Variants in ZNF678 observed in about 807,000 individuals in gnomAD.
The protein encoded by ZNF678 is hypothetical protein MGC42493.
A neutral mutation model predicts 3.0 loss-of-function variants in ZNF678; 5 were observed. The observed-to-expected ratio is 1.69, with a 90% CI of 0.88 to 3.56. ZNF678 has a LOEUF of 3.56. ZNF678 is among the 30% of genes most tolerant of loss of function. ZNF678 has a pLI of 0.00. For synonymous variants in ZNF678, 218 were observed against 199.6 expected, an observed-to-expected ratio of 1.09 and a Z score of -0.78; for missense variants, 593 against 605.0, an observed-to-expected ratio of 0.98 and a Z score of 0.21.
chr1:227,630,087 C>T (rs1424044209), intron 1 of ZNF678, among the ~76,000 whole-genome samples: 2 of 152,050 alleles, frequency 1.3e-5, no homozygotes, highest in African/African-American at 4.8e-5. Context: ...TTTCTAATGT[C>T]TGCAGCTGAC....
intron 1 of ZNF678, among the ~76,000 whole-genome samples, chr1:227,626,733 G>A (rs551518053): frequency 1.1e-4 from 16 of 152,106 alleles, no homozygotes; most frequent in East Asian, 3.9e-4. Flanking sequence ...TCATTTGAGC[G>A]TTTCATTCAT....
At chr1:227,596,339 A>T (rs1400768328) in intron 1 of ZNF678, among the ~76,000 whole-genome samples, 1 of 152,248 alleles carries the variant, frequency 6.6e-6, no homozygotes, top group Non-Finnish European at 1.5e-5. Context: ...TTATTCAACC[A>T]GGAGCATTGG....
At chr1:227,584,906 T>C (rs1445565179) in intron 1 of ZNF678, among the ~76,000 whole-genome samples, 2 of 152,240 alleles carry the variant, frequency 1.3e-5, no homozygotes, top group African/African-American at 2.4e-5. Flanking sequence ...GTGTTCTTGC[T>C]AAACTGACTT....
intron 1 of ZNF678, among the ~76,000 whole-genome samples, chr1:227,571,582 T>A (rs1392829326): frequency 6.6e-6 from 1 of 152,256 alleles, no homozygotes; most frequent in Non-Finnish European, 1.5e-5. Flanking sequence ...TCAACAGAGT[T>A]AATGAAAACT....
chr1:227,577,486 G>A (rs1030158276), intron 1 of ZNF678, among the ~76,000 whole-genome samples: 2 of 152,190 alleles, frequency 1.3e-5, no homozygotes, highest in Non-Finnish European at 2.9e-5. Flanking sequence ...TTACTATTAT[G>A]TAATGCCCTT....
intron 1 of ZNF678, among the ~76,000 whole-genome samples, chr1:227,575,913 G>A (rs192945942): frequency 6.6e-6 from 1 of 152,144 alleles, no homozygotes; most frequent in Admixed American, 6.5e-5. Context: ...TTTGAGGTAT[G>A]TTCCTTCAAT....
At chr1:227,572,497 A>G (rs1656873478) in intron 1 of ZNF678, among the ~76,000 whole-genome samples, 1 of 152,212 alleles carries the variant, frequency 6.6e-6, no homozygotes, top group Non-Finnish European at 1.5e-5. Context: ...AATTGTAGCA[A>G]AGGAGGTCGG....
intron 1 of ZNF678, among the ~76,000 whole-genome samples, chr1:227,643,629 T>C (rs1206349457): frequency 1.3e-5 from 2 of 152,186 alleles, no homozygotes; most frequent in Non-Finnish European, 2.9e-5. Context: ...CCGAAGACTA[T>C]ATTTTGGTGC....
intron 5 of ZNF678, among the ~76,000 whole-genome samples, chr1:227,669,521 C>T (rs768033971): frequency 1.3e-5 from 2 of 151,800 alleles, no homozygotes; most frequent in South Asian, 2.1e-4. Flanking sequence ...CGGTGGCGTG[C>T]GCCTGTAGTC....
In ZNF678 at chr1:227,659,602, C is replaced by T. The variant is rs1253542054; in HGVS notation, c.*3774C>T. The T allele has an allele frequency of 6.6e-6, 1 of 151,874 alleles. No individual in the cohort carries two copies. The highest frequency in any genetic ancestry group is 1.9e-4 in the East Asian group (1 of 5,188). 9.4% of individuals were successfully genotyped at this position (151,874 alleles called of 1,614,324 possible). A position where few individuals can be genotyped will look rare whatever the true frequency, so the allele number is the denominator to read the frequency against. ...GCTGGTAAATATCAGAGTTTCTATG[C>T]TTATGGCTGATAAGTAGACATTTTT... On this transcript the variant is annotated 3_prime_UTR_variant, in exon 4 of 4. Transcript: ENST00000343776.
intron 1 of ZNF678, among the ~76,000 whole-genome samples, chr1:227,645,908 G>A (rs1325577395): frequency 2.0e-5 from 3 of 152,126 alleles, no homozygotes; most frequent in African/African-American, 7.2e-5. Context: ...AGTACATTGG[G>A]GAGATTTAAT....
chr1:227,583,962 G>C (rs541667867), intron 1 of ZNF678, among the ~76,000 whole-genome samples: 2 of 152,168 alleles, frequency 1.3e-5, no homozygotes, highest in African/African-American at 4.8e-5. Context: ...CCACTTATAT[G>C]GTTAGAATCA....
At chr1:227,636,605 G>T (rs946664171) in intron 1 of ZNF678, among the ~76,000 whole-genome samples, 2 of 152,182 alleles carry the variant, frequency 1.3e-5, no homozygotes. Context: ...GAGGCTATTT[G>T]TCCCTTTGCC....
intron 1 of ZNF678, among the ~76,000 whole-genome samples, chr1:227,599,774 A>G (rs1449340805): frequency 6.6e-6 from 1 of 152,186 alleles, no homozygotes; most frequent in Non-Finnish European, 1.5e-5. Context: ...GCGTGATTGT[A>G]TACACCTTCT....
intron 1 of ZNF678, among the ~76,000 whole-genome samples, chr1:227,574,944 T>TTTG (rs138983303): frequency 1.3e-4 from 20 of 151,878 alleles, no homozygotes; most frequent in Admixed American, 1.3e-4. Context: ...TATGGGGTTT[T>TTTG]TTGTTGTTGT....
chr1:227,623,132 T>C (rs536557396), intron 1 of ZNF678, among the ~76,000 whole-genome samples: 4 of 152,372 alleles, frequency 2.6e-5, no homozygotes, highest in Non-Finnish European at 5.9e-5. Flanking sequence ...ATAATCTTAG[T>C]GTTTATTGTT....
At position 227,563,580 on chromosome 1, in the gene ZNF678, C is replaced by A; in HGVS notation, c.-308C>A. 1 of 862,620 alleles carries A rather than the reference C, an allele frequency of 1.2e-6. No individual in the cohort carries two copies. The highest frequency in any genetic ancestry group is 1.7e-6 in the Non-Finnish European group (1 of 585,432). The allele number at this position is 862,620 out of a possible 1,614,324, so 53.4% of individuals were successfully genotyped here. A position where few individuals can be genotyped will look rare whatever the true frequency, so the allele number is the denominator to read the frequency against. On this transcript the variant is annotated 5_prime_UTR_variant, in exon 1 of 4. Transcript: ENST00000343776. ...CCTTTGTCTTGTGCTCCAGCTGGAG[C>A]TTTGGTCCCGTATTCTCGGCTATTT...
intron 1 of ZNF678, chr1:227,599,104 C>T (rs963892487): frequency 2.8e-5 from 45 of 1,593,522 alleles, no homozygotes; most frequent in South Asian, 1.3e-4. Flanking sequence ...CCCTTGATCT[C>T]GCCATTGCTA....
chr1:227,599,126 T>G lies in ZNF678; in HGVS notation c.-164+35402T>G, dbSNP rs141964703. On this transcript the variant is annotated intron_variant, in intron 1 of 3. Coordinates refer to ENST00000343776, the MANE Select transcript of ZNF678 (RefSeq NM_001367909.1). ...TCTCGCCATTGCTATTGGGTTTATA[T>G]AGGCCAGGATGTAGAACATATTCCT... 6.1e-5 allele frequency: 92 copies of G among 1,514,744 alleles called. No individual in the cohort carries two copies. The African/African-American group carries it at 1.1e-3, about 18-fold the overall frequency. 93.8% of individuals were successfully genotyped at this position (1,514,744 alleles called of 1,614,324 possible). A position where few individuals can be genotyped will look rare whatever the true frequency, so the allele number is the denominator to read the frequency against.
Sources: gnomAD v4.1 joint callset for allele counts (sites outside exome capture counted in the v4.1 genomes callset) on GRCh38, gnomAD v4.1.1 for gene constraint, MANE v1.5 for transcripts, NCBI Gene and HGNC (gene_info 2026-07-23, HGNC 2026-07-21) for gene names.